The following PRRG2 variants were observed in gnomAD, a reference collection of about 807,000 sequenced individuals.
PRRG2 encodes proline rich and Gla domain 2, also known as transmembrane gamma-carboxyglutamic acid protein 2.
Under a neutral mutation model 27.1 loss-of-function variants are expected in PRRG2, and 23 were observed. That is an observed-to-expected ratio of 0.85 (90% CI 0.61 to 1.20). The LOEUF (loss-of-function observed/expected upper bound fraction) is 1.20, where lower values mean the gene tolerates loss of function less well. Among genes scored for constraint, PRRG2 ranks in the 50% most tolerant of loss-of-function variants. PRRG2 has a pLI of 0.00. For synonymous variants in PRRG2, 104 were observed against 103.4 expected, an observed-to-expected ratio of 1.01 and a Z score of -0.03; for missense variants, 276 against 254.8, an observed-to-expected ratio of 1.08 and a Z score of -0.57.
At chr19:49,580,951 A>G (rs1169920138), upstream of PRRG2, among the ~76,000 whole-genome samples, 1 of 152,134 alleles carries the variant, frequency 6.6e-6, no homozygotes, top group African/African-American at 2.4e-5. Flanking sequence ...CTACGCTCCC[A>G]TTTTACAGAC....
At chr19:49,589,123 CTTTTTTT>C (rs778928178) in intron 5 of PRRG2, among the ~76,000 whole-genome samples, 7 of 106,096 alleles carry the variant, frequency 6.6e-5, no homozygotes, top group Non-Finnish European at 9.3e-5. Context: ...ACAGGGCTGT[CTTTTTTT>C]TTTTTTTTTT....
intron 4 of PRRG2, among the ~76,000 whole-genome samples, chr19:49,586,189 C>A (rs1262375985): frequency 6.6e-6 from 1 of 151,840 alleles, no homozygotes; most frequent in Non-Finnish European, 1.5e-5. Context: ...TCAAGTGATC[C>A]TCCCACCTAA....
Position 49,583,670 on chromosome 19 carries a change from T to G in PRRG2, c.214T>G (p.Cys72Gly), listed in dbSNP as rs1164748288. ...GGAACGGGAGTGTCTGGAAGAGAGG[T>G]GTTCCTGGGAAGAGGCCAGGGAGTA... ...NLERECLEER[C>G]SWEEAREYFE... Residue 72 changes from cysteine (C) to glycine (G), a missense_variant, in exon 3 of 7, where the codon TGT becomes GGT. By Grantham distance (159) the Cys-to-Gly change is radical (BLOSUM62 -3). Coordinates refer to ENST00000246794, the MANE Select transcript of PRRG2 (RefSeq NM_000951.3). 1 of 1,613,940 alleles carries G rather than the reference T, an allele frequency of 6.2e-7. No individual in the cohort carries two copies. The highest frequency in any genetic ancestry group is 8.5e-7 in the Non-Finnish European group (1 of 1,179,970).
chr19:49,584,092 T>A, intron 4 of PRRG2, 140 bp downstream of exon 4: 1 of 840,756 alleles, frequency 1.2e-6, no homozygotes. Context: ...AGCTGGCTGC[T>A]AAAGGAGTTC....
intron 6 of PRRG2, 114 bp downstream of exon 6, chr19:49,590,166 G>A: frequency 7.4e-7 from 1 of 1,346,228 alleles, no homozygotes; most frequent in African/African-American, 1.5e-5. Flanking sequence ...CTGGGGCGGG[G>A]CTTGGAGTGC....
At chr19:49,586,956 A>T (rs1329645629) in intron 4 of PRRG2, among the ~76,000 whole-genome samples, 1 of 151,608 alleles carries the variant, frequency 6.6e-6, no homozygotes, top group Non-Finnish European at 1.5e-5. Flanking sequence ...TGAGCCTAGG[A>T]GTTTGAGGCC....
intron 5 of PRRG2, among the ~76,000 whole-genome samples, chr19:49,589,639 C>T (rs1309419058): frequency 6.6e-6 from 1 of 151,766 alleles, no homozygotes; most frequent in Non-Finnish European, 1.5e-5. Context: ...ATCTGGTGCA[C>T]ATGAGTGTGT....
At chr19:49,587,324 C>CTTT (rs527352052) in intron 4 of PRRG2, among the ~76,000 whole-genome samples, 1 of 121,774 alleles carries the variant, frequency 8.2e-6, no homozygotes, top group Non-Finnish European at 1.7e-5. Flanking sequence ...ATGTGACATC[C>CTTT]TTTTTTTTTT....
chr19:49,588,458 TC>T, intron 4 of PRRG2, 38 bp from the exon 5 acceptor site: 1 of 1,559,836 alleles, frequency 6.4e-7, no homozygotes. Context: ...TGGGTGGCAG[TC>T]CCCGAGACAG....
At chr19:49,583,828 A>T in intron 3 of PRRG2, 85 bp from the exon 4 acceptor site, 1 of 1,603,798 alleles carries the variant, frequency 6.2e-7, no homozygotes. Context: ...GTGTCTCAGA[A>T]ATCAGGATGG....
chr19:49,586,072 CAAA>C (rs1171500009), intron 4 of PRRG2, among the ~76,000 whole-genome samples: 752 of 56,976 alleles, frequency 0.013, 11 homozygotes, highest in African/African-American at 0.048. Flanking sequence ...AGAGTGTCTC[CAAA>C]AAAAAAAAAA....
At chr19:49,590,092 G>C (rs2080706046) in intron 6 of PRRG2, 40 bp downstream of exon 6, 5 of 1,458,462 alleles carry the variant, frequency 3.4e-6, no homozygotes, top group Admixed American at 2.6e-5. Flanking sequence ...GGGCGCAGAG[G>C]GGTGGGCACG....
At chr19:49,590,150 T>A in intron 6 of PRRG2, 98 bp downstream of exon 6, 1 of 1,345,344 alleles carries the variant, frequency 7.4e-7, no homozygotes, top group Non-Finnish European at 9.9e-7. Context: ...ATTTGGGCCT[T>A]CTTACCTGGG....
rs531852049 is a variant in PRRG2, at chr19:49,590,527, C to T, written c.*138C>T. 2 of 1,241,810 alleles carry T rather than the reference C, an allele frequency of 1.6e-6. No homozygotes were observed. The highest frequency in any genetic ancestry group is 1.5e-5 in the African/African-American group (1 of 66,200). The allele number at this position is 1,241,810 out of a possible 1,614,324, so 76.9% of individuals were successfully genotyped here. A position where few individuals can be genotyped will look rare whatever the true frequency, so the allele number is the denominator to read the frequency against. Reference sequence around the variant, plus strand: ...GAGTAGGGGTCATCCGGCCCGAGGCCTGCCCTGGCACACGCGTTTCCGCCG... The same window carrying T: ...GAGTAGGGGTCATCCGGCCCGAGGCTTGCCCTGGCACACGCGTTTCCGCCG... On this transcript the variant is annotated 3_prime_UTR_variant, in exon 7 of 7. Coordinates refer to ENST00000246794, the MANE Select transcript of PRRG2 (RefSeq NM_000951.3).
chr19:49,590,218 C>A, intron 6 of PRRG2, 153 bp from the exon 7 acceptor site: 1 of 1,426,556 alleles, frequency 7.0e-7, no homozygotes, highest in Admixed American at 2.0e-5. Context: ...CGTGGCCCAG[C>A]GTTGTATGTG....
intron 4 of PRRG2, among the ~76,000 whole-genome samples, chr19:49,588,184 G>A (rs1280092290): frequency 6.6e-6 from 1 of 151,942 alleles, no homozygotes; most frequent in Non-Finnish European, 1.5e-5. Context: ...GGCTGGTCTT[G>A]AGCTCCTGAC....
intron 4 of PRRG2, 92 bp downstream of exon 4, chr19:49,584,044 T>C: frequency 7.4e-7 from 1 of 1,344,578 alleles, no homozygotes; most frequent in East Asian, 2.4e-5. Context: ...CCAAATTAGG[T>C]ACAAGAATCG....
chr19:49,583,851 G>T, intron 3 of PRRG2, 62 bp from the exon 4 acceptor site: 1 of 1,605,374 alleles, frequency 6.2e-7, no homozygotes, highest in East Asian at 2.2e-5. Flanking sequence ...TAGTTTGGGG[G>T]TGTGAACCTC....
At chr19:49,587,479 ATTTTTTTTTT>A (rs1258876937) in intron 4 of PRRG2, among the ~76,000 whole-genome samples, 2 of 114,652 alleles carry the variant, frequency 1.7e-5, no homozygotes, top group African/African-American at 7.5e-5. Flanking sequence ...AGCCTGGTTA[ATTTTTTTTTT>A]TTTTTTTTTT....
Sources: gnomAD v4.1 joint callset for allele counts (sites outside exome capture counted in the v4.1 genomes callset) on GRCh38, gnomAD v4.1.1 for gene constraint, MANE v1.5 for transcripts, NCBI Gene and HGNC (gene_info 2026-07-23, HGNC 2026-07-21) for gene names.